The following TBC1D19 variants were observed in gnomAD, a reference collection of about 807,000 sequenced individuals.
The protein encoded by TBC1D19 is TBC1 domain family, member 19.
In TBC1D19, 60 loss-of-function variants were observed where a neutral mutation model predicts 89.0. That is an observed-to-expected ratio of 0.67 (90% CI 0.55 to 0.84). TBC1D19 has a LOEUF of 0.84. Ranked by LOEUF, TBC1D19 falls within the 40% of genes least tolerant of loss-of-function variation. The probability of loss-of-function intolerance (pLI) is 0.00; values close to 1 mark genes in which losing one functional copy is unlikely to be tolerated. For synonymous variants in TBC1D19, 189 were observed against 199.7 expected (o/e 0.95, Z 0.45); for missense variants, 500 against 610.8 (o/e 0.82, Z 1.91).
chr4:26,802,924 G>C, the TBC1D19 span, among the ~76,000 whole-genome samples: 4 of 152,030 alleles, frequency 2.6e-5, no homozygotes, highest in Middle Eastern at 3.2e-3. Flanking sequence ...CTGGCTTGCA[G>C]GTAGCTGCCT....
At chr4:26,772,073 A>G in the TBC1D19 span, among the ~76,000 whole-genome samples, 2 of 152,018 alleles carry the variant, frequency 1.3e-5, no homozygotes, top group African/African-American at 4.8e-5. Context: ...AGGAAATACT[A>G]TGGACAACTT....
intron 3 of TBC1D19, among the ~76,000 whole-genome samples, chr4:26,614,951 TAG>T (rs1386937660): frequency 1.3e-5 from 2 of 152,156 alleles, no homozygotes; most frequent in East Asian, 3.8e-4. Flanking sequence ...GTGCTGGGAT[TAG>T]AGGTATGCGA....
the TBC1D19 span, among the ~76,000 whole-genome samples, chr4:26,777,135 C>CTTTTTTTTTT: frequency 8.1e-6 from 1 of 122,704 alleles, no homozygotes; most frequent in East Asian, 2.3e-4. Flanking sequence ...TCTCTCTCTT[C>CTTTTTTTTTT]TTTTTTTTTT....
the TBC1D19 span, among the ~76,000 whole-genome samples, chr4:26,844,661 C>T: frequency 6.6e-6 from 1 of 152,242 alleles, no homozygotes; most frequent in South Asian, 2.1e-4. Flanking sequence ...TAAATGGCTG[C>T]AGCCAGCTGT....
chr4:26,820,602 G>A, the TBC1D19 span, among the ~76,000 whole-genome samples: 1 of 152,142 alleles, frequency 6.6e-6, no homozygotes, highest in Admixed American at 6.5e-5. Flanking sequence ...CCATTGATGG[G>A]CACTGAGGCT....
intron 3 of TBC1D19, among the ~76,000 whole-genome samples, chr4:26,618,954 T>G (rs1319377565): frequency 1.3e-5 from 2 of 152,214 alleles, no homozygotes; most frequent in Non-Finnish European, 2.9e-5. Flanking sequence ...CTCTTATCTC[T>G]GCATATTACT....
At chr4:26,820,241 A>G in the TBC1D19 span, among the ~76,000 whole-genome samples, 2 of 145,798 alleles carry the variant, frequency 1.4e-5, no homozygotes, top group African/African-American at 2.5e-5. Context: ...TATGGTTACC[A>G]TGCAGTACAA....
intron 13 of TBC1D19, among the ~76,000 whole-genome samples, chr4:26,714,715 A>G (rs1298652932): frequency 6.6e-6 from 1 of 152,086 alleles, no homozygotes; most frequent in Non-Finnish European, 1.5e-5. Context: ...TATTAGAACT[A>G]TAGAGATTCA....
chr4:26,753,713 G>T, intron 19 of TBC1D19, 107 bp from the exon 20 acceptor site: 2 of 1,150,858 alleles, frequency 1.7e-6, no homozygotes, highest in Non-Finnish European at 2.6e-6. Context: ...GTTGTGTAAA[G>T]CACTAGTTCT....
At chr4:26,819,085 C>T in the TBC1D19 span, among the ~76,000 whole-genome samples, 1 of 152,242 alleles carries the variant, frequency 6.6e-6, no homozygotes, top group Admixed American at 6.5e-5. Context: ...CAGGTAGTGA[C>T]TTCCTGGGGC....
chr4:26,640,518 C>G (rs532874626), intron 7 of TBC1D19, among the ~76,000 whole-genome samples: 8 of 152,302 alleles, frequency 5.3e-5, no homozygotes, highest in African/African-American at 1.9e-4. Context: ...TTCTGCATTT[C>G]TAACTGAGGC....
chr4:26,773,030 G>C, the TBC1D19 span, among the ~76,000 whole-genome samples: 2 of 152,246 alleles, frequency 1.3e-5, no homozygotes, highest in African/African-American at 4.8e-5. Context: ...GGGTCTTTGA[G>C]GAATCACCAC....
chr4:26,839,524 T>C, the TBC1D19 span, among the ~76,000 whole-genome samples: 2 of 152,062 alleles, frequency 1.3e-5, no homozygotes, highest in African/African-American at 4.8e-5. Context: ...GGAAGGAGCA[T>C]GAGGGAGGCA....
At chr4:26,681,875 A>G (rs6448463) in intron 11 of TBC1D19, among the ~76,000 whole-genome samples, 148,932 of 152,278 alleles carry the variant, frequency 0.98, 72,911 homozygotes, top group East Asian at 1. Flanking sequence ...ATTGAAAAAC[A>G]ACAACACAAA....
chr4:26,656,658 A>C (rs1220660707), intron 7 of TBC1D19, among the ~76,000 whole-genome samples: 3 of 151,960 alleles, frequency 2.0e-5, no homozygotes, highest in Non-Finnish European at 2.9e-5. Context: ...TCCCGGGTTA[A>C]AGCAATTCTC....
At chr4:26,700,413 G>A (rs886222544) in intron 13 of TBC1D19, among the ~76,000 whole-genome samples, 26 of 151,850 alleles carry the variant, frequency 1.7e-4, no homozygotes, top group African/African-American at 5.6e-4. Flanking sequence ...TTTAACTCAC[G>A]TTTCAGTAGT....
intron 13 of TBC1D19, among the ~76,000 whole-genome samples, chr4:26,700,647 C>A (rs1057415022): frequency 6.6e-6 from 1 of 151,874 alleles, no homozygotes; most frequent in African/African-American, 2.4e-5. Context: ...TTTTAAAATT[C>A]TTTTATCTCA....
intron 4 of TBC1D19, among the ~76,000 whole-genome samples, chr4:26,632,987 A>G (rs1321560442): frequency 6.6e-6 from 1 of 152,054 alleles, no homozygotes; most frequent in African/African-American, 2.4e-5. Context: ...TAAAATCTGT[A>G]TCTTGCAACC....
intron 1 of TBC1D19, among the ~76,000 whole-genome samples, chr4:26,604,804 C>G (rs2968715): frequency 0.13 from 19,943 of 151,802 alleles, 1,648 homozygotes; most frequent in South Asian, 0.25. Flanking sequence ...TGGCGTGAAC[C>G]CGGGAGGCGG....
Sources: allele counts gnomAD v4.1 joint callset (sites outside exome capture counted in the v4.1 genomes callset), GRCh38; gene constraint gnomAD v4.1.1; transcripts MANE v1.5; gene names NCBI Gene and HGNC (gene_info 2026-07-23, HGNC 2026-07-21).